NBAS: variants seen among roughly 807,000 people sequenced by gnomAD.
NBAS encodes NBAS subunit of NRZ tethering complex, also known as NAG/BC035112 fusion.
In NBAS, 219 loss-of-function variants were observed where a neutral mutation model predicts 302.5. That is an observed-to-expected ratio of 0.72 (90% confidence interval 0.65 to 0.81). The LOEUF (loss-of-function observed/expected upper bound fraction) is 0.81. Ranked by LOEUF, NBAS falls within the 30% of genes least tolerant of loss-of-function variation. The pLI, the probability that NBAS is intolerant of heterozygous loss-of-function variation, is 0.00. For missense variants in NBAS, 2,932 were observed against 2,841.6 expected, an observed-to-expected ratio of 1.03 and a Z score of -0.72; for synonymous variants, 1,118 against 1,021.6, an observed-to-expected ratio of 1.09 and a Z score of -1.80.
At chr2:15,257,850 G>T (rs1185468177) in intron 44 of NBAS, among the ~76,000 whole-genome samples, 1 of 152,162 alleles carries the variant, frequency 6.6e-6, no homozygotes, top group Non-Finnish European at 1.5e-5. Context: ...ACTTATTTAT[G>T]TGAACAATGT....
the NBAS span, among the ~76,000 whole-genome samples, chr2:14,832,197 A>G: frequency 6.6e-6 from 1 of 152,156 alleles, no homozygotes; most frequent in Non-Finnish European, 1.5e-5. Context: ...CTCATGGTGT[A>G]TTCAGTCACC....
chr2:14,960,900 T>C, the NBAS span, among the ~76,000 whole-genome samples: 10 of 152,092 alleles, frequency 6.6e-5, no homozygotes, highest in African/African-American at 2.2e-4. Flanking sequence ...CTGTATATTG[T>C]TGTGTTTGAG....
the NBAS span, among the ~76,000 whole-genome samples, chr2:14,779,298 G>T: frequency 6.6e-6 from 1 of 152,166 alleles, no homozygotes. Context: ...CCTCCTAACA[G>T]GTATCTTTGT....
chr2:15,218,912 T>A lies in NBAS; in HGVS notation c.6293A>T (p.Asp2098Val). ...LLEWLRPFCA[D>V]DAWPVRPRIH... ...GCGGGGCCGCACCGGCCAGGCGTCA[T>A]CAGCACAGAAAGGCCGCAGCCACTC... Residue 2098 changes from aspartate (D) to valine (V), a missense_variant, in exon 48 of 52, where the codon GAT (aspartate) becomes GTT (valine). Physicochemically the swap from Asp to Val is radical, Grantham distance 152. Transcript: ENST00000281513. 1.2e-6 allele frequency: 2 copies of A among 1,614,226 alleles called. No homozygotes were observed. The highest frequency in any genetic ancestry group is 2.2e-5 in the East Asian group (1 of 44,880).
the NBAS span, among the ~76,000 whole-genome samples, chr2:14,999,807 G>T: frequency 2.1e-4 from 32 of 152,254 alleles, no homozygotes; most frequent in South Asian, 6.4e-3. Context: ...GGAAGCAGAA[G>T]ACCTAAATTT....
the NBAS span, among the ~76,000 whole-genome samples, chr2:15,123,340 T>C: frequency 6.6e-6 from 1 of 152,270 alleles, no homozygotes. Flanking sequence ...GGAGAAGGGA[T>C]CGGAGCTCGT....
the NBAS span, among the ~76,000 whole-genome samples, chr2:14,781,316 C>T: frequency 1.3e-5 from 2 of 152,186 alleles, no homozygotes; most frequent in Non-Finnish European, 2.9e-5. Flanking sequence ...AACTTGCTTA[C>T]GCAAATACAG....
chr2:15,214,272 A>C (rs1402296035), intron 48 of NBAS, among the ~76,000 whole-genome samples: 1 of 151,570 alleles, frequency 6.6e-6, no homozygotes, highest in Non-Finnish European at 1.5e-5. Context: ...ATCCTAATGG[A>C]AGAAGAAAGA....
chr2:15,266,322 C>T (rs990014466), intron 44 of NBAS, among the ~76,000 whole-genome samples: 3 of 152,138 alleles, frequency 2.0e-5, no homozygotes, highest in Non-Finnish European at 2.9e-5. Flanking sequence ...CTCCTAAGTA[C>T]GGCTACAATT....
At chr2:15,373,976 C>T (rs1464974624) in intron 31 of NBAS, among the ~76,000 whole-genome samples, 2 of 152,066 alleles carry the variant, frequency 1.3e-5, no homozygotes, top group African/African-American at 4.8e-5. Context: ...GTTTAAGGTC[C>T]AGTACACCAT....
intron 9 of NBAS, 47 bp from the exon 10 acceptor site, chr2:15,511,397 T>C (rs2148648687): frequency 1.9e-6 from 3 of 1,560,526 alleles, no homozygotes; most frequent in East Asian, 2.2e-5. Context: ...CAAATATAAA[T>C]AAGAGCAAAA....
chr2:14,934,609 A>C, the NBAS span, among the ~76,000 whole-genome samples: 7 of 152,118 alleles, frequency 4.6e-5, no homozygotes, highest in Non-Finnish European at 1.0e-4. Context: ...AACTTTCTTC[A>C]CTCATTCAGG....
chr2:14,885,333 G>A, the NBAS span, among the ~76,000 whole-genome samples: 27 of 152,156 alleles, frequency 1.8e-4, no homozygotes, highest in African/African-American at 5.1e-4. Flanking sequence ...AGAAGGGAGC[G>A]AATCAAGGAT....
the NBAS span, among the ~76,000 whole-genome samples, chr2:15,055,707 C>T: frequency 9.2e-5 from 14 of 152,150 alleles, no homozygotes; most frequent in Non-Finnish European, 1.3e-4. Context: ...AGGTTGTTTA[C>T]ACATAGGGAG....
At chr2:15,294,455 G>A (rs1462539127) in intron 40 of NBAS, among the ~76,000 whole-genome samples, 1 of 152,206 alleles carries the variant, frequency 6.6e-6, no homozygotes, top group African/African-American at 2.4e-5. Flanking sequence ...TTTAGGCAAA[G>A]GGGATGCCGT....
chr2:15,009,909 A>T, the NBAS span, among the ~76,000 whole-genome samples: 29 of 152,106 alleles, frequency 1.9e-4, no homozygotes, highest in East Asian at 5.0e-3. Flanking sequence ...TACATAACAA[A>T]CTACTGACAC....
At chr2:15,091,899 A>G in the NBAS span, among the ~76,000 whole-genome samples, 127 of 152,366 alleles carry the variant, frequency 8.3e-4, 1 homozygote, top group East Asian at 0.016. Flanking sequence ...TACGGTATAT[A>G]ATACATGTAA....
chr2:14,839,821 C>A, the NBAS span, among the ~76,000 whole-genome samples: 5 of 151,692 alleles, frequency 3.3e-5, no homozygotes, highest in Admixed American at 3.3e-4. Flanking sequence ...CAAACAAAAG[C>A]CAGACAAAGA....
chr2:15,079,668 G>T, the NBAS span, among the ~76,000 whole-genome samples: 1 of 152,074 alleles, frequency 6.6e-6, no homozygotes, highest in African/African-American at 2.4e-5. Context: ...TATCTGATCT[G>T]TCCAACCCAT....
Sources: allele counts gnomAD v4.1 joint callset (sites outside exome capture counted in the v4.1 genomes callset), GRCh38; gene constraint gnomAD v4.1.1; transcripts MANE v1.5; gene names NCBI Gene and HGNC (gene_info 2026-07-23, HGNC 2026-07-21).